The following NT5C2 variants were observed in gnomAD, a reference collection of about 807,000 sequenced individuals.
NT5C2 encodes cytosolic purine 5'-nucleotidase.
A neutral mutation model predicts 76.1 loss-of-function variants in NT5C2; 58 were observed. That is an observed-to-expected ratio of 0.76 (90% CI 0.62 to 0.95). The LOEUF (loss-of-function observed/expected upper bound fraction) is 0.95. Ranked by LOEUF, NT5C2 falls within the 40% of genes least tolerant of loss-of-function variation. NT5C2 has a pLI of 0.00. For synonymous variants in NT5C2, 229 were observed against 237.4 expected (o/e 0.96, Z 0.32); for missense variants, 478 against 690.3 (o/e 0.69, Z 3.45).
intron 2 of NT5C2, among the ~76,000 whole-genome samples, chr10:103,176,303 C>T (rs2089923907): frequency 6.6e-6 from 1 of 152,146 alleles, no homozygotes. Flanking sequence ...TGATAGCTCC[C>T]CAGGTTAGGT....
chr10:103,124,376 T>C (rs2076284622), intron 4 of NT5C2, among the ~76,000 whole-genome samples: 2 of 152,238 alleles, frequency 1.3e-5, no homozygotes, highest in African/African-American at 4.8e-5. Flanking sequence ...TCATTTGCAA[T>C]ACTTAAACAC....
At chr10:103,125,584 G>C (rs1291118028) in intron 4 of NT5C2, among the ~76,000 whole-genome samples, 1 of 152,114 alleles carries the variant, frequency 6.6e-6, no homozygotes, top group African/African-American at 2.4e-5. Context: ...TAATGTTAAG[G>C]ACTTTATGTC....
chr10:103,193,053 C>G (rs1294186604), intron 1 of NT5C2, among the ~76,000 whole-genome samples, 183 bp downstream of exon 1: 2 of 149,954 alleles, frequency 1.3e-5, no homozygotes, highest in Non-Finnish European at 3.0e-5. Context: ...GCGGCGTCCG[C>G]GAGCGCGCTG....
intron 4 of NT5C2, among the ~76,000 whole-genome samples, chr10:103,119,481 G>A (rs192723454): frequency 9.2e-5 from 14 of 152,290 alleles, no homozygotes; most frequent in Non-Finnish European, 1.8e-4. Context: ...AGTGGGATGA[G>A]GTAATGCACA....
At chr10:103,121,600 G>A (rs1306716840) in intron 4 of NT5C2, among the ~76,000 whole-genome samples, 1 of 152,206 alleles carries the variant, frequency 6.6e-6, no homozygotes, top group Non-Finnish European at 1.5e-5. Flanking sequence ...CAAAGGTCCT[G>A]AGATGCCTCT....
intron 4 of NT5C2, among the ~76,000 whole-genome samples, chr10:103,127,128 A>C (rs752565184): frequency 1.4e-4 from 22 of 152,230 alleles, no homozygotes; most frequent in Non-Finnish European, 4.4e-5. Context: ...TGTATTATTC[A>C]AGGGTTAACT....
intron 4 of NT5C2, among the ~76,000 whole-genome samples, chr10:103,126,213 A>G (rs764882555): frequency 2.0e-5 from 3 of 152,240 alleles, no homozygotes; most frequent in Non-Finnish European, 2.9e-5. Flanking sequence ...ACATACCCGC[A>G]GAGGAAGTCA....
At chr10:103,113,779 C>T (rs2073648767) in intron 4 of NT5C2, among the ~76,000 whole-genome samples, 1 of 152,144 alleles carries the variant, frequency 6.6e-6, no homozygotes, top group African/African-American at 2.4e-5. Flanking sequence ...CCAATCAATC[C>T]AGCCCAGGAA....
At chr10:103,164,753 A>G (rs1214352072) in intron 3 of NT5C2, among the ~76,000 whole-genome samples, 1 of 152,236 alleles carries the variant, frequency 6.6e-6, no homozygotes, top group Non-Finnish European at 1.5e-5. Context: ...AAGGTGAAAT[A>G]CACCATCTAA....
intron 1 of NT5C2, among the ~76,000 whole-genome samples, chr10:103,191,424 A>T (rs1406826912): frequency 1.3e-5 from 2 of 152,140 alleles, no homozygotes; most frequent in African/African-American, 4.8e-5. Flanking sequence ...TACTTAAAAA[A>T]AAAAACCTGT....
intron 3 of NT5C2, among the ~76,000 whole-genome samples, chr10:103,171,506 T>C (rs2087990190): frequency 6.6e-6 from 1 of 152,176 alleles, no homozygotes; most frequent in African/African-American, 2.4e-5. Context: ...TTCCTGTAGT[T>C]CCCATGCAAC....
rs201371414 is a variant in NT5C2 at position 103,183,262 on chromosome 10, GATATATATATAT to G, written c.-168-1946_-168-1935del. 1.6e-3 allele frequency among the ~76,000 whole-genome samples: 115 copies of G among 73,374 alleles called. 4 individuals carry two copies. The highest frequency in any genetic ancestry group is 0.012 in the Middle Eastern group (1 of 86). 48.1% of individuals were successfully genotyped at this position (73,374 alleles called of 152,430 possible). On this transcript the variant is annotated intron_variant, in intron 1 of 18. Transcript: ENST00000404739. ...GAGATATATATATATGTGTGTGTGT[GATATATATATAT>G]ATATATATATATATATATATCACAC...
chr10:103,172,818 G>T (rs1448801512), intron 3 of NT5C2, among the ~76,000 whole-genome samples: 1 of 152,164 alleles, frequency 6.6e-6, no homozygotes, highest in African/African-American at 2.4e-5. Context: ...CTGGGCGACA[G>T]AATGAACTCT....
intron 4 of NT5C2, among the ~76,000 whole-genome samples, chr10:103,124,396 A>T (rs183662461): frequency 6.6e-6 from 1 of 152,316 alleles, no homozygotes; most frequent in Non-Finnish European, 1.5e-5. Flanking sequence ...CACAGAAAAG[A>T]GCATTAAATA....
At chr10:103,169,659 T>C (rs2087345833) in intron 3 of NT5C2, among the ~76,000 whole-genome samples, 1 of 152,008 alleles carries the variant, frequency 6.6e-6, no homozygotes, top group Non-Finnish European at 1.5e-5. Context: ...TCTTGCAAGA[T>C]ACCAAGAACC....
intron 3 of NT5C2, among the ~76,000 whole-genome samples, chr10:103,163,930 C>A (rs2085654688): frequency 6.6e-6 from 1 of 150,828 alleles, no homozygotes; most frequent in Non-Finnish European, 1.5e-5. Context: ...GAGCCTGAGG[C>A]ACAAGAATCG....
intron 3 of NT5C2, among the ~76,000 whole-genome samples, chr10:103,171,232 TATA>T (rs1331851461): frequency 6.6e-6 from 1 of 152,208 alleles, no homozygotes; most frequent in Admixed American, 6.5e-5. Flanking sequence ...CAACTATTGA[TATA>T]ATAATTAACT....
intron 3 of NT5C2, among the ~76,000 whole-genome samples, chr10:103,148,618 AG>A (rs369515069): frequency 3.4e-5 from 5 of 148,880 alleles, no homozygotes; most frequent in Non-Finnish European, 3.0e-5. Context: ...AAAAAAAAAA[AG>A]AACAGCCTCC....
At chr10:103,176,194 T>TTGCCTCC (rs2089894801) in intron 2 of NT5C2, 1 of 153,412 alleles carries the variant, frequency 6.5e-6, no homozygotes. Flanking sequence ...GAAGGGGCTA[T>TTGCCTCC]TGCCTCCTGC....
Sources: allele counts gnomAD v4.1 joint callset (sites outside exome capture counted in the v4.1 genomes callset), GRCh38; gene constraint gnomAD v4.1.1; transcripts MANE v1.5; gene names NCBI Gene and HGNC (gene_info 2026-07-23, HGNC 2026-07-21).